FAAH2: variants seen among roughly 807,000 people sequenced by gnomAD.
FAAH2 encodes fatty acid amide hydrolase 2.
In FAAH2, 60 loss-of-function variants were observed where a neutral mutation model predicts 36.9. The observed-to-expected ratio is 1.63, with a 90% CI of 1.32 to 2.02. FAAH2 has a LOEUF of 2.02. FAAH2 is among the 30% of genes most tolerant of loss of function. FAAH2 has a pLI of 0.00. For synonymous variants in FAAH2, 214 were observed against 143.8 expected, an observed-to-expected ratio of 1.49 and a Z score of -3.49; for missense variants, 689 against 397.5, an observed-to-expected ratio of 1.73 and a Z score of -6.23.
chrX:57,383,793 T>G (rs1426232934), intron 7 of FAAH2, among the ~76,000 whole-genome samples: 1 of 112,033 alleles, frequency 8.9e-6, no homozygotes, highest in Non-Finnish European at 1.9e-5. Flanking sequence ...AAGCTACCAA[T>G]GACTTTCTTC....
At chrX:57,237,742 C>T in the FAAH2 span, among the ~76,000 whole-genome samples, 3 of 110,687 alleles carry the variant, frequency 2.7e-5, no homozygotes, top group East Asian at 8.5e-4. Context: ...TTTTTGGAAA[C>T]TATGCATCTG....
At chrX:57,236,891 G>T in the FAAH2 span, among the ~76,000 whole-genome samples, 1 of 94,231 alleles carries the variant, frequency 1.1e-5, no homozygotes, top group African/African-American at 4.9e-5. Flanking sequence ...TTGTTTTATT[G>T]ACTGTGCTTT....
intron 7 of FAAH2, among the ~76,000 whole-genome samples, chrX:57,385,708 A>T (rs1203498472): frequency 8.9e-6 from 1 of 111,935 alleles, no homozygotes; most frequent in Non-Finnish European, 1.9e-5. Flanking sequence ...CATCCAGGCC[A>T]TCCTGGCTAA....
upstream of FAAH2, among the ~76,000 whole-genome samples, chrX:57,284,859 T>G: frequency 9.0e-6 from 1 of 111,679 alleles, no homozygotes; most frequent in Non-Finnish European, 1.9e-5. Context: ...CTAGGGACAT[T>G]AAGTGATTTG....
chrX:57,409,263 T>C (rs1304713838), intron 7 of FAAH2, among the ~76,000 whole-genome samples: 1 of 111,799 alleles, frequency 8.9e-6, no homozygotes, highest in Non-Finnish European at 1.9e-5. Context: ...TCTCAATTAA[T>C]TGTTTTGTAT....
At chrX:57,169,930 G>A in the FAAH2 span, among the ~76,000 whole-genome samples, 1 of 108,902 alleles carries the variant, frequency 9.2e-6, no homozygotes, top group Non-Finnish European at 1.9e-5. Flanking sequence ...AATGTCATAT[G>A]AATAGATTCA....
chrX:57,160,379 C>A, the FAAH2 span, among the ~76,000 whole-genome samples: 1 of 111,869 alleles, frequency 8.9e-6, no homozygotes, highest in Non-Finnish European at 1.9e-5. Flanking sequence ...AGGATTGCCT[C>A]TTTTTCTATT....
chrX:57,269,367 A>G, the FAAH2 span, among the ~76,000 whole-genome samples: 2 of 111,560 alleles, frequency 1.8e-5, no homozygotes, highest in Non-Finnish European at 3.8e-5. Context: ...GCACTGGACA[A>G]TATGGGCCTG....
chrX:57,434,474 T>C (rs1380595412), intron 8 of FAAH2, among the ~76,000 whole-genome samples: 2 of 109,503 alleles, frequency 1.8e-5, no homozygotes, highest in Non-Finnish European at 3.8e-5. Context: ...TAAAAAAATG[T>C]AATAGTAACA....
intron 8 of FAAH2, among the ~76,000 whole-genome samples, chrX:57,437,889 G>A (rs1047959451): frequency 1.5e-4 from 14 of 95,910 alleles, no homozygotes; most frequent in Admixed American, 4.8e-4. Context: ...ATATACATAC[G>A]TATATGTATA....
At chrX:57,393,233 A>T in intron 7 of FAAH2, 1 of 1,197,558 alleles carries the variant, frequency 8.4e-7, no homozygotes, top group Non-Finnish European at 1.1e-6. Context: ...TTGTTTCTTC[A>T]AGTTACTGAA....
chrX:57,352,067 CACAT>C lies in FAAH2; in HGVS notation c.742+10679_742+10682del, dbSNP rs1233040283. On this transcript the variant is annotated intron_variant, in intron 5 of 10. Coordinates refer to ENST00000374900, the MANE Select transcript of FAAH2 (RefSeq NM_174912.4). ...ATATATGTGTATATATATATATATA[CACAT>C]ATATATATGTGTATATATATGCACA... 1.3e-3 allele frequency among the ~76,000 whole-genome samples: 9 copies of C among 6,809 alleles called. 1 individual carries two copies. Among genetic ancestry groups the C allele is most frequent in the Admixed American group, 6.3e-3 (3 of 478 alleles). The allele number at this position is 6,809 out of a possible 115,157, so 5.9% of individuals were successfully genotyped here. A position where few individuals can be genotyped will look rare whatever the true frequency, so the allele number is the denominator to read the frequency against.
intron 10 of FAAH2, among the ~76,000 whole-genome samples, chrX:57,483,305 A>T (rs1471030041): frequency 1.8e-5 from 2 of 111,479 alleles, no homozygotes; most frequent in Admixed American, 1.9e-4. Context: ...CTAGTCTATT[A>T]TTAAAGTGTT....
chrX:57,131,307 G>A, the FAAH2 span, among the ~76,000 whole-genome samples: 3 of 107,886 alleles, frequency 2.8e-5, no homozygotes, highest in East Asian at 5.8e-4. Context: ...GGATGGTCTC[G>A]ATCTCCTGAC....
chrX:57,324,836 T>C (rs1463453192), intron 3 of FAAH2, among the ~76,000 whole-genome samples: 2 of 111,939 alleles, frequency 1.8e-5, no homozygotes, highest in Admixed American at 1.9e-4. Flanking sequence ...TTTATTTCCT[T>C]CTCCTGCCTA....
At chrX:57,196,329 A>T in the FAAH2 span, among the ~76,000 whole-genome samples, 1 of 111,903 alleles carries the variant, frequency 8.9e-6, no homozygotes, top group South Asian at 3.7e-4. Flanking sequence ...AGCTATTGTG[A>T]AAGTGATTGA....
the FAAH2 span, among the ~76,000 whole-genome samples, chrX:57,185,484 GTC>G: frequency 1.1e-5 from 1 of 92,394 alleles, no homozygotes; most frequent in Non-Finnish European, 2.1e-5. Flanking sequence ...GTCTCTCTCT[GTC>G]TCTGTGTGTG....
intron 2 of FAAH2, among the ~76,000 whole-genome samples, chrX:57,308,229 A>G (rs971577623): frequency 8.9e-6 from 1 of 111,977 alleles, no homozygotes. Flanking sequence ...ACTGCTTTCC[A>G]CTATGGCTGA....
At chrX:57,181,970 A>T in the FAAH2 span, among the ~76,000 whole-genome samples, 4 of 111,965 alleles carry the variant, frequency 3.6e-5, no homozygotes, top group Non-Finnish European at 7.5e-5. Flanking sequence ...AAAAACAAGC[A>T]ATAGAAAAAA....
Sources: gnomAD v4.1 joint callset for allele counts (sites outside exome capture counted in the v4.1 genomes callset) on GRCh38, gnomAD v4.1.1 for gene constraint, MANE v1.5 for transcripts, NCBI Gene and HGNC (gene_info 2026-07-23, HGNC 2026-07-21) for gene names.